The following MAMDC2 variants were observed in gnomAD, a reference collection of about 807,000 sequenced individuals.
The protein encoded by MAMDC2 is MAM domain-containing protein 2.
In MAMDC2, 57 loss-of-function variants were observed where a neutral mutation model predicts 89.8. The ratio of observed to expected loss-of-function variants is 0.63; its 90% CI spans 0.51 to 0.79. The LOEUF is 0.79. Among genes scored for constraint, MAMDC2 ranks in the 30% least tolerant of loss-of-function variants. The pLI is 0.00. For missense variants in MAMDC2, 800 were observed against 820.6 expected (o/e 0.97, Z 0.31); for synonymous variants, 313 against 293.4 (o/e 1.07, Z -0.68).
intron 2 of MAMDC2, among the ~76,000 whole-genome samples, chr9:70,097,798 C>T (rs912400465): frequency 6.6e-6 from 1 of 152,140 alleles, no homozygotes; most frequent in Non-Finnish European, 1.5e-5. Flanking sequence ...TCTTGGGTCT[C>T]ATTCATCCTC....
At chr9:70,175,738 G>T (rs79933294) in intron 11 of MAMDC2, 1 of 152,118 alleles carries the variant, frequency 6.6e-6, no homozygotes, top group Non-Finnish European at 1.5e-5. Context: ...TTAAACATTA[G>T]AAATTTGTTT....
At chr9:70,121,345 G>T (rs1162642592) in intron 5 of MAMDC2, among the ~76,000 whole-genome samples, 2 of 152,110 alleles carry the variant, frequency 1.3e-5, no homozygotes, top group Non-Finnish European at 2.9e-5. Context: ...TCCCAGAAGG[G>T]GCCTGAGCAC....
chr9:70,051,885 A>T (rs1826906421), intron 2 of MAMDC2, among the ~76,000 whole-genome samples: 1 of 127,314 alleles, frequency 7.9e-6, no homozygotes, highest in East Asian at 2.2e-4. Flanking sequence ...ATCTAGATAG[A>T]TAGAGATAGA....
At chr9:70,197,434 G>A (rs1185965664) in intron 11 of MAMDC2, among the ~76,000 whole-genome samples, 1 of 152,102 alleles carries the variant, frequency 6.6e-6, no homozygotes, top group Non-Finnish European at 1.5e-5. Context: ...AGGTTTTCAA[G>A]TATTACCAAA....
chr9:70,122,635 A>T (rs374289604), intron 5 of MAMDC2, among the ~76,000 whole-genome samples: 1 of 152,238 alleles, frequency 6.6e-6, no homozygotes, highest in Admixed American at 6.5e-5. Context: ...TTAGGGGTCC[A>T]TGACAATATT....
At chr9:70,104,555 C>T (rs551851583) in intron 2 of MAMDC2, among the ~76,000 whole-genome samples, 1 of 152,152 alleles carries the variant, frequency 6.6e-6, no homozygotes, top group East Asian at 1.9e-4. Context: ...TGTCCATCAA[C>T]TAATGAATGA....
intron 9 of MAMDC2, among the ~76,000 whole-genome samples, chr9:70,149,080 G>A (rs779747972): frequency 3.8e-4 from 55 of 143,234 alleles, no homozygotes; most frequent in Non-Finnish European, 1.8e-4. Context: ...GCATGGTGGT[G>A]CAAGCCTATA....
chr9:70,203,452 A>T (rs373758077), intron 11 of MAMDC2, among the ~76,000 whole-genome samples: 1 of 139,344 alleles, frequency 7.2e-6, no homozygotes. Flanking sequence ...CTTCCCTTTG[A>T]GGGTAACCCG....
chr9:70,150,292 A>C (rs1355573051), intron 9 of MAMDC2, among the ~76,000 whole-genome samples: 1 of 152,242 alleles, frequency 6.6e-6, no homozygotes, highest in Non-Finnish European at 1.5e-5. Flanking sequence ...AACACTTGTC[A>C]GGTGTCACAG....
rs577087434 is a variant in MAMDC2 at position 70,159,080 on chromosome 9, G to A, written c.1405-9622G>A. 4.1e-4 allele frequency among the ~76,000 whole-genome samples: 53 copies of A among 130,194 alleles called. 1 individual carries two copies. The highest frequency in any genetic ancestry group is 1.5e-3 in the African/African-American group (49 of 32,694). The allele number at this position is 130,194 out of a possible 152,430, so 85.4% of individuals were successfully genotyped here. A position where few individuals can be genotyped will look rare whatever the true frequency, so the allele number is the denominator to read the frequency against. On this transcript the variant is annotated intron_variant, in intron 9 of 13. Transcript: ENST00000377182. ...CACACACACACACACACACACACACGTATAACATTACCCTGGAAAGGTGAG... is the reference window on the plus strand; with the variant it reads ...CACACACACACACACACACACACACATATAACATTACCCTGGAAAGGTGAG...
chr9:70,056,726 C>T (rs904060971), intron 2 of MAMDC2, among the ~76,000 whole-genome samples: 1 of 152,184 alleles, frequency 6.6e-6, no homozygotes, highest in Admixed American at 6.5e-5. Context: ...CCCAGCCACA[C>T]AGCAGGATTG....
chr9:70,097,366 C>A (rs979729058), intron 2 of MAMDC2, among the ~76,000 whole-genome samples: 17 of 152,194 alleles, frequency 1.1e-4, no homozygotes, highest in Admixed American at 1.0e-3. Context: ...TGACAGATTG[C>A]GTAATGAATT....
chr9:70,135,413 C>CTTTT (rs1421715368), intron 7 of MAMDC2, among the ~76,000 whole-genome samples: 4 of 152,306 alleles, frequency 2.6e-5, no homozygotes, highest in African/African-American at 9.6e-5. Context: ...CAGACACTGT[C>CTTTT]TCAGGGTAGA....
intron 11 of MAMDC2, among the ~76,000 whole-genome samples, chr9:70,209,799 G>T (rs1040493739): frequency 2.0e-5 from 3 of 152,158 alleles, no homozygotes. Flanking sequence ...TCTACACACT[G>T]CTTTAAATGT....
intron 9 of MAMDC2, among the ~76,000 whole-genome samples, chr9:70,149,568 C>T (rs778224359): frequency 6.6e-5 from 10 of 152,090 alleles, no homozygotes; most frequent in African/African-American, 1.7e-4. Flanking sequence ...CTTGAAATGC[C>T]GAGCAACTTT....
chr9:70,200,498 T>C (rs566651769), intron 11 of MAMDC2, among the ~76,000 whole-genome samples: 5 of 151,880 alleles, frequency 3.3e-5, no homozygotes, highest in Non-Finnish European at 7.4e-5. Flanking sequence ...TTCCTCCAGC[T>C]TTGTTCTTTT....
intron 2 of MAMDC2, among the ~76,000 whole-genome samples, chr9:70,058,181 G>A (rs1199667495): frequency 1.3e-5 from 2 of 152,188 alleles, no homozygotes; most frequent in East Asian, 1.9e-4. Flanking sequence ...ACTGTGCTGA[G>A]TGCAGGACAT....
At chr9:70,079,884 T>G (rs1827615423) in intron 2 of MAMDC2, among the ~76,000 whole-genome samples, 1 of 152,136 alleles carries the variant, frequency 6.6e-6, no homozygotes, top group African/African-American at 2.4e-5. Context: ...TGGGAGCATG[T>G]GCAGCTGCAG....
At chr9:70,173,216 G>C (rs1202828375) in intron 11 of MAMDC2, among the ~76,000 whole-genome samples, 1 of 152,100 alleles carries the variant, frequency 6.6e-6, no homozygotes, top group African/African-American at 2.4e-5. Flanking sequence ...GAATCTAGCG[G>C]AAAGTGAAAA....
Sources: gnomAD v4.1 joint callset for allele counts (sites outside exome capture counted in the v4.1 genomes callset) on GRCh38, gnomAD v4.1.1 for gene constraint, MANE v1.5 for transcripts, NCBI Gene and HGNC (gene_info 2026-07-23, HGNC 2026-07-21) for gene names.